Variants in PSMG4 observed in about 807,000 individuals in gnomAD.
The protein encoded by PSMG4 is proteasome assembly chaperone 4, also known as proteasome (prosome, macropain) assembly chaperone 4.
PSMG4 carries 10 observed loss-of-function variants against 11.0 expected under a neutral mutation model. That is an observed-to-expected ratio of 0.91 (90% CI 0.56 to 1.54). The LOEUF (loss-of-function observed/expected upper bound fraction) is 1.54. Ranked by LOEUF, PSMG4 falls within the 40% of genes most tolerant of loss-of-function variation. PSMG4 has a pLI of 0.00. For synonymous variants in PSMG4, 95 were observed against 71.3 expected, an observed-to-expected ratio of 1.33 and a Z score of -1.68; for missense variants, 198 against 160.9, an observed-to-expected ratio of 1.23 and a Z score of -1.25.
chr6:3,259,345 G>A, intron 1 of PSMG4, 149 bp downstream of exon 1: 1 of 729,028 alleles, frequency 1.4e-6, no homozygotes, highest in Non-Finnish European at 1.9e-6. Flanking sequence ...TAGGAAGCCC[G>A]CGGGCGCCAG....
intron 2 of PSMG4, chr6:3,267,343 TC>T (rs1758232482): frequency 3.0e-6 from 1 of 332,910 alleles, no homozygotes; most frequent in African/African-American, 2.1e-5. Flanking sequence ...TCGAACAAGT[TC>T]CAGGGAGGCT....
upstream of PSMG4, chr6:3,255,363 C>T (rs940276266): frequency 9.7e-6 from 14 of 1,436,464 alleles, no homozygotes; most frequent in East Asian, 2.5e-5. Flanking sequence ...TTAATTTTTC[C>T]TGTGGTGGAT....
chr6:3,266,566 C>T (rs1299881707), intron 2 of PSMG4: 1 of 152,080 alleles, frequency 6.6e-6, no homozygotes, highest in African/African-American at 2.4e-5. Flanking sequence ...GCCTTTTTGC[C>T]CACGTATTTT....
At chr6:3,258,070 GCTGTTTTCTTTTACCACCTTCTCT>G (rs1757826202), upstream of PSMG4, among the ~76,000 whole-genome samples, 1 of 73,562 alleles carries the variant, frequency 1.4e-5, no homozygotes, top group Admixed American at 1.5e-4. Context: ...GACAAAATGG[GCTGTTTTCTTTTACCACCTTCTCT>G]CTTAACCCAT....
At chr6:3,261,601 G>C (rs1346021747) in intron 1 of PSMG4, among the ~76,000 whole-genome samples, 1 of 152,230 alleles carries the variant, frequency 6.6e-6, no homozygotes, top group Non-Finnish European at 1.5e-5. Flanking sequence ...GATTGATTGA[G>C]TTACCTGACT....
intron 2 of PSMG4, chr6:3,264,389 C>G: frequency 2.6e-6 from 4 of 1,514,428 alleles, no homozygotes; most frequent in Non-Finnish European, 3.5e-6. Flanking sequence ...GCACAGGATG[C>G]CTGTCTCCTG....
chr6:3,265,409 G>C (rs1239142453), intron 2 of PSMG4: 1 of 152,306 alleles, frequency 6.6e-6, no homozygotes, highest in Non-Finnish European at 1.5e-5. Context: ...AGGAGTTGGT[G>C]TGGCCAAGGG....
At chr6:3,254,432 G>C (rs1032136029), upstream of PSMG4, among the ~76,000 whole-genome samples, 14 of 139,866 alleles carry the variant, frequency 1.0e-4, no homozygotes, top group Middle Eastern at 3.5e-3. Flanking sequence ...GTATGGCTTT[G>C]TGCTGTAATA....
chr6:3,265,917 TCC>T (rs1220574340), intron 2 of PSMG4: 35 of 41,664 alleles, frequency 8.4e-4, no homozygotes, highest in African/African-American at 2.9e-3. Flanking sequence ...CCGGACACAT[TCC>T]TTTTTTTTTT....
chr6:3,260,309 T>TTTTTTTTTA (rs1757942138), intron 1 of PSMG4, among the ~76,000 whole-genome samples: 1 of 140,372 alleles, frequency 7.1e-6, no homozygotes. Context: ...TTTTTTTTTT[T>TTTTTTTTTA]GAAGCAAAGT....
Position 3,259,146 on chromosome 6 carries a change from G to A in PSMG4, c.124G>A (p.Gly42Arg). 1.5e-6 allele frequency: 2 copies of A among 1,303,844 alleles called. No individual in the cohort carries two copies. Among genetic ancestry groups the A allele is most frequent in the Non-Finnish European group, 1.9e-6 (2 of 1,025,926 alleles). 80.8% of individuals were successfully genotyped at this position (1,303,844 alleles called of 1,614,324 possible). A position where few individuals can be genotyped will look rare whatever the true frequency, so the allele number is the denominator to read the frequency against. ...RLTDSLFLWV[G>R]ATPHLRNLAV... ...GACGGACTCGCTGTTCCTGTGGGTG[G>A]GGGCCACGCCGCACCTGCGCAACCT... The change falls in exon 1 of 3, where the codon GGG becomes AGG. Residue 42 changes from glycine (G) to arginine (R), a missense_variant. Physicochemically the swap from Gly to Arg is moderately radical, Grantham distance 125 (BLOSUM62 -2). Coordinates refer to ENST00000438998, the MANE Select transcript of PSMG4 (RefSeq NM_001128591.2).
chr6:3,266,792 A>AG (rs1758198932), intron 2 of PSMG4: 2 of 152,086 alleles, frequency 1.3e-5, no homozygotes, highest in South Asian at 2.1e-4. Flanking sequence ...GAAACGTAGG[A>AG]GGGAGGGAAG....
chr6:3,260,473 G>C (rs1581549482), intron 1 of PSMG4, among the ~76,000 whole-genome samples: 1 of 151,806 alleles, frequency 6.6e-6, no homozygotes, highest in Middle Eastern at 3.4e-3. Flanking sequence ...AGTTTCAGTA[G>C]AGCTGAGGTT....
intron 1 of PSMG4, among the ~76,000 whole-genome samples, chr6:3,262,873 TCTTA>T (rs999588121): frequency 9.4e-5 from 11 of 117,096 alleles, no homozygotes; most frequent in Middle Eastern, 4.8e-3. Context: ...TAGAGACAGA[TCTTA>T]CTTCATTGTC....
At chr6:3,255,280 T>C, upstream of PSMG4, 3 of 1,539,462 alleles carry the variant, frequency 1.9e-6, no homozygotes, top group South Asian at 1.2e-5. Context: ...GTCTTACGGG[T>C]CTATCGGTGC....
chr6:3,259,863 C>A (rs553192391), intron 1 of PSMG4, among the ~76,000 whole-genome samples: 1 of 152,180 alleles, frequency 6.6e-6, no homozygotes, highest in African/African-American at 2.4e-5. Context: ...CTTTGCGTGT[C>A]GCCGCCTGGT....
At chr6:3,258,450 C>T (rs909141314), upstream of PSMG4, among the ~76,000 whole-genome samples, 3 of 152,184 alleles carry the variant, frequency 2.0e-5, no homozygotes, top group Non-Finnish European at 2.9e-5. Flanking sequence ...GGCTGGGTGC[C>T]GTCGAAGCCT....
upstream of PSMG4, among the ~76,000 whole-genome samples, chr6:3,256,474 C>G (rs4339508): frequency 0.68 from 103,850 of 152,070 alleles, 38,723 homozygotes; most frequent in Non-Finnish European, 0.83. Flanking sequence ...GTTGCATCTT[C>G]CTCCTCCTGT....
upstream of PSMG4, among the ~76,000 whole-genome samples, chr6:3,256,453 AC>A (rs1196859878): frequency 6.6e-6 from 1 of 152,030 alleles, no homozygotes; most frequent in African/African-American, 2.4e-5. Flanking sequence ...TCCAGCTCTA[AC>A]CCTTCAAATG....
Sources: gnomAD v4.1 joint callset for allele counts (sites outside exome capture counted in the v4.1 genomes callset) on GRCh38, gnomAD v4.1.1 for gene constraint, MANE v1.5 for transcripts, NCBI Gene and HGNC (gene_info 2026-07-23, HGNC 2026-07-21) for gene names.